SMURF1: variants seen among roughly 807,000 people sequenced by gnomAD.
SMURF1 encodes the protein E3 ubiquitin-protein ligase SMURF1.
A neutral mutation model predicts 98.0 loss-of-function variants in SMURF1; 44 were observed. The ratio of observed to expected loss-of-function variants is 0.45; its 90% confidence interval spans 0.35 to 0.58. The LOEUF is 0.58. SMURF1 is among the 20% of genes least tolerant of loss of function. SMURF1 has a pLI of 0.00. For synonymous variants in SMURF1, 396 were observed against 374.9 expected (o/e 1.06, Z -0.65); for missense variants, 687 against 938.4 (o/e 0.73, Z 3.50).
chr7:99,132,271 G>A (rs981202253), intron 1 of SMURF1, among the ~76,000 whole-genome samples: 4 of 152,118 alleles, frequency 2.6e-5, no homozygotes, highest in African/African-American at 9.7e-5. Flanking sequence ...GGTGTCCTCC[G>A]ACGCCCAACT....
intron 12 of SMURF1, 98 bp from the exon 13 acceptor site, chr7:99,040,654 A>G: frequency 8.5e-7 from 1 of 1,170,352 alleles, no homozygotes; most frequent in East Asian, 3.1e-5. Flanking sequence ...AGTGTCCCAG[A>G]GGCAACCAGA....
chr7:99,036,724 A>G (rs982514490), intron 15 of SMURF1, among the ~76,000 whole-genome samples: 2 of 152,158 alleles, frequency 1.3e-5, no homozygotes, highest in African/African-American at 4.8e-5. Flanking sequence ...AAAAAGCAGT[A>G]AGATGCTCTT....
intron 1 of SMURF1, among the ~76,000 whole-genome samples, chr7:99,124,833 T>A (rs1797711812): frequency 6.6e-6 from 1 of 152,190 alleles, no homozygotes; most frequent in East Asian, 1.9e-4. Context: ...GCCACTGCGC[T>A]TTATCAAGAC....
intron 1 of SMURF1, among the ~76,000 whole-genome samples, chr7:99,095,386 T>C (rs1035437717): frequency 3.3e-5 from 5 of 152,152 alleles, no homozygotes; most frequent in African/African-American, 9.7e-5. Context: ...GGACTGTTTT[T>C]TTGTATATTT....
intron 12 of SMURF1, among the ~76,000 whole-genome samples, chr7:99,041,126 G>C (rs891407802): frequency 6.6e-6 from 1 of 152,222 alleles, no homozygotes; most frequent in African/African-American, 2.4e-5. Flanking sequence ...CCTAGGCCGG[G>C]CATGGTTGCT....
At chr7:99,142,414 G>A (rs1400793531) in intron 1 of SMURF1, among the ~76,000 whole-genome samples, 1 of 151,902 alleles carries the variant, frequency 6.6e-6, no homozygotes, top group African/African-American at 2.4e-5. Context: ...TGGCCTAAGA[G>A]ACAGGAAGTG....
At chr7:99,071,121 A>G (rs965990758) in intron 1 of SMURF1, among the ~76,000 whole-genome samples, 1 of 149,520 alleles carries the variant, frequency 6.7e-6, no homozygotes, top group Non-Finnish European at 1.5e-5. Context: ...GTGCAGTGGC[A>G]CGATCTCAGC....
chr7:99,131,921 G>C (rs201258157), intron 1 of SMURF1, among the ~76,000 whole-genome samples: 1 of 152,128 alleles, frequency 6.6e-6, no homozygotes, highest in African/African-American at 2.4e-5. Flanking sequence ...AATGGGAAAC[G>C]TTATTCAAGA....
chr7:99,068,038 A>G (rs550185900), intron 1 of SMURF1, among the ~76,000 whole-genome samples: 16 of 152,312 alleles, frequency 1.1e-4, no homozygotes, highest in African/African-American at 3.6e-4. Context: ...ATCTTGAGAA[A>G]GTTTCTAATT....
At chr7:99,119,023 TTTTTTTTTTTTTTTTTTTTTTA>T (rs1213168519) in intron 1 of SMURF1, among the ~76,000 whole-genome samples, 1 of 129,260 alleles carries the variant, frequency 7.7e-6, no homozygotes, top group Admixed American at 9.5e-5. Flanking sequence ...TTTTTTTTTT[TTTTTTTTTTTTTTTTTTTTTTA>T]GAGACAGGGT....
At chr7:99,090,154 C>T (rs544641679) in intron 1 of SMURF1, among the ~76,000 whole-genome samples, 1 of 152,316 alleles carries the variant, frequency 6.6e-6, no homozygotes, top group East Asian at 1.9e-4. Flanking sequence ...TACTGTTCAG[C>T]AAAGGCAGCT....
rs1795903632 is a variant in SMURF1, at chr7:99,057,421, C to T, written c.334G>A (p.Gly112Arg). Reference sequence around the variant, plus strand: ...CAGGAAAGTGTTTGGTTCTTACATCCGGTATCTTTTAATCTGCTGATGGCA... The same window carrying T: ...CAGGAAAGTGTTTGGTTCTTACATCTGGTATCTTTTAATCTGCTGATGGCA... ...SNAISRLKDT[G>R]YQRLDLCKLN... Residue 112 changes from glycine to arginine, a missense_variant, in exon 4 of 18, where the codon GGA becomes AGA. Physicochemically the swap from Gly to Arg is moderately radical, Grantham distance 125. Around this residue, in one of 2 missense-constraint regions of SMURF1, gnomAD observed 415 missense variants for 508.4 expected, o/e 0.82. Coordinates refer to ENST00000361368, the MANE Select transcript of SMURF1 (RefSeq NM_181349.3). 4 of 1,611,952 alleles carry T rather than the reference C, an allele frequency of 2.5e-6. No individual in the cohort carries two copies. Among genetic ancestry groups the T allele is most frequent in the African/African-American group, 1.3e-5 (1 of 74,654 alleles).
intron 16 of SMURF1, 121 bp from the exon 17 acceptor site, chr7:99,033,242 C>T: frequency 2.1e-6 from 2 of 946,176 alleles, no homozygotes; most frequent in South Asian, 1.6e-5. Context: ...GGCAGGCTGT[C>T]CTGTGAGAGG....
chr7:99,057,595 T>TTC (rs1052722336), intron 3 of SMURF1, 44 bp from the exon 4 acceptor site: 22 of 1,433,898 alleles, frequency 1.5e-5, no homozygotes, highest in Non-Finnish European at 1.9e-5. Context: ...TGTTTGGTTT[T>TTC]TTTTGTTTTG....
intron 1 of SMURF1, among the ~76,000 whole-genome samples, chr7:99,127,052 GCTTCTGTGGC>G (rs1797761789): frequency 2.6e-5 from 4 of 152,198 alleles, no homozygotes; most frequent in Non-Finnish European, 5.9e-5. Flanking sequence ...ATGACACACA[GCTTCTGTGGC>G]AGAGCTGGAG....
intron 1 of SMURF1, among the ~76,000 whole-genome samples, chr7:99,140,991 C>T (rs768500655): frequency 6.6e-6 from 1 of 152,192 alleles, no homozygotes; most frequent in East Asian, 1.9e-4. Context: ...TAAGGTTCCA[C>T]GTACTGGCAT....
chr7:99,043,174 C>T (rs192339245), intron 11 of SMURF1, among the ~76,000 whole-genome samples: 2 of 152,204 alleles, frequency 1.3e-5, no homozygotes, highest in East Asian at 1.9e-4. Flanking sequence ...CCATGGACAG[C>T]GTAAAGATAC....
chr7:99,089,545 G>A (rs1236620404), intron 1 of SMURF1, among the ~76,000 whole-genome samples: 2 of 152,070 alleles, frequency 1.3e-5, no homozygotes, highest in Non-Finnish European at 2.9e-5. Context: ...GGAGGCTGAG[G>A]TGGGAGAATC....
chr7:99,121,382 A>C (rs1255168857), intron 1 of SMURF1, among the ~76,000 whole-genome samples: 1 of 152,196 alleles, frequency 6.6e-6, no homozygotes, highest in Non-Finnish European at 1.5e-5. Context: ...AATAAAATTA[A>C]GATATTGTAT....
Sources: allele counts gnomAD v4.1 joint callset (sites outside exome capture counted in the v4.1 genomes callset), GRCh38; gene constraint gnomAD v4.1.1; regional missense constraint gnomAD v4.1.1; transcripts MANE v1.5; gene names NCBI Gene and HGNC (gene_info 2026-07-23, HGNC 2026-07-21).